HSF1: variants seen among roughly 807,000 people sequenced by gnomAD.
The protein encoded by HSF1 is heat shock factor protein 1.
Under a neutral mutation model 51.7 loss-of-function variants are expected in HSF1, and 32 were observed. That is an observed-to-expected ratio of 0.62 (90% confidence interval 0.47 to 0.83). HSF1 has a LOEUF of 0.83. HSF1 is among the 40% of genes least tolerant of loss of function. The probability of loss-of-function intolerance (pLI) is 0.00; values close to 1 mark genes in which losing one functional copy is unlikely to be tolerated. For synonymous variants in HSF1, 396 were observed against 309.7 expected, an observed-to-expected ratio of 1.28 and a Z score of -2.92; for missense variants, 727 against 717.0, an observed-to-expected ratio of 1.01 and a Z score of -0.16.
chr8:144,307,754 C>T (rs1816318518), intron 1 of HSF1, among the ~76,000 whole-genome samples: 1 of 151,762 alleles, frequency 6.6e-6, no homozygotes, highest in African/African-American at 2.4e-5. Context: ...CATGTTGGTG[C>T]TGGTGCACTC....
intron 4 of HSF1, 71 bp downstream of exon 4, chr8:144,309,967 G>C (rs975817150): frequency 3.9e-6 from 6 of 1,556,272 alleles, no homozygotes; most frequent in Non-Finnish European, 5.2e-6. Flanking sequence ...GGTGCTGTGG[G>C]GGCAGGGCCC....
chr8:144,311,642 G>A (rs782421315), intron 7 of HSF1, 41 bp downstream of exon 7: 64 of 1,611,872 alleles, frequency 4.0e-5, no homozygotes, highest in Middle Eastern at 1.6e-4. Context: ...GCATGCAGGC[G>A]GCAGTGGGGT....
chr8:144,312,185 T>TGCCCG lies in HSF1; in HGVS notation c.1083_1084insGCCCG (p.Pro362AlafsTer17). On this transcript the variant is annotated frameshift_variant, in exon 9 of 13. Coordinates refer to ENST00000528838, the MANE Select transcript of HSF1 (RefSeq NM_005526.4). LOFTEE classifies it high-confidence loss of function. ...GCCACACGGACACCGAGGGCCGGCC[T>TGCCCG]CCCTCCCCCCCGCCCACCTCCACCC... is the stretch of plus-strand genomic sequence containing the variant. 10 of 1,532,858 alleles carry TGCCCG rather than the reference T, an allele frequency of 6.5e-6. No homozygotes were observed. The highest frequency in any genetic ancestry group is 1.8e-4 in the Middle Eastern group (1 of 5,620). The allele number at this position is 1,532,858 out of a possible 1,614,324, so 95.0% of individuals were successfully genotyped here. A position where few individuals can be genotyped will look rare whatever the true frequency, so the allele number is the denominator to read the frequency against.
Position 144,313,537 on chromosome 8 carries a change from C to T in HSF1, c.1169C>T (p.Ala390Val), listed in dbSNP as rs782815990. 2.5e-6 allele frequency: 4 copies of T among 1,611,762 alleles called. No homozygotes were observed. The highest frequency in any genetic ancestry group is 2.2e-5 in the South Asian group (2 of 91,076). The change falls in exon 10 of 13, where the codon GCT becomes GTT. Residue 390 changes from alanine to valine, a missense_variant. Physicochemically the swap from Ala to Val is moderately conservative, Grantham distance 64. Around this residue, in one of 2 missense-constraint regions of HSF1, gnomAD observed 470 missense variants for 398.8 expected, o/e 1.18. Coordinates refer to ENST00000528838, the MANE Select transcript of HSF1 (RefSeq NM_005526.4). Reference protein sequence around the residue: ...DKNELSDHLDAMDSNLDNLQT... With the variant: ...DKNELSDHLDVMDSNLDNLQT... The stretch of plus-strand genomic sequence containing the variant: ...AATGAGCTCAGTGACCACTTGGATG[C>T]TATGGACTCCAACCTGGATAACCTG...
intron 1 of HSF1, among the ~76,000 whole-genome samples, chr8:144,292,249 C>T (rs1289801692): frequency 2.0e-5 from 3 of 152,238 alleles, no homozygotes; most frequent in African/African-American, 7.2e-5. Context: ...TCGGCGTCCC[C>T]AGGGGACAGC....
chr8:144,313,501 C>G lies in HSF1; in HGVS notation c.1143-10C>G. ...GGCACTGGTTCAGGTACCGCCTTAT[C>G]CCGGGCCAGGAATGAGCTCAGTGAC... On this transcript the variant is annotated splice_polypyrimidine_tract_variant and intron_variant, in intron 9 of 12. Transcript: ENST00000528838. The G allele has an allele frequency of 6.3e-7, 1 of 1,591,480 alleles. No homozygotes were observed. The highest frequency in any genetic ancestry group is 2.2e-5 in the East Asian group (1 of 44,736).
intron 9 of HSF1, chr8:144,312,603 G>A (rs919860555): frequency 7.1e-5 from 109 of 1,530,968 alleles, no homozygotes; most frequent in Admixed American, 3.1e-4. Context: ...CCTGCAATGG[G>A]GGCTCTTGTT....
chr8:144,314,466 G>C lies in HSF1; in HGVS notation c.*136G>C, dbSNP rs1817089712. On this transcript the variant is annotated 3_prime_UTR_variant, in exon 13 of 13. Coordinates refer to ENST00000528838, the MANE Select transcript of HSF1 (RefSeq NM_005526.4). ...GCCCCAGTAGGACAAACGGGCTCGG[G>C]TCTGGGCAGCACCTCTGGTCAGGAG... is the stretch of plus-strand genomic sequence containing the variant. 1 of 712,770 alleles carries C rather than the reference G, an allele frequency of 1.4e-6. No homozygotes were observed. 44.2% of individuals were successfully genotyped at this position (712,770 alleles called of 1,614,324 possible).
chr8:144,301,299 G>C (rs1815851576), intron 1 of HSF1, among the ~76,000 whole-genome samples: 1 of 151,876 alleles, frequency 6.6e-6, no homozygotes, highest in African/African-American at 2.4e-5. Context: ...CCTGCCTGTG[G>C]TCCCAACTAC....
At chr8:144,307,789 G>GA (rs112017546) in intron 1 of HSF1, among the ~76,000 whole-genome samples, 21 of 146,310 alleles carry the variant, frequency 1.4e-4, no homozygotes, top group Admixed American at 2.0e-4. Flanking sequence ...CCTTGTCTCA[G>GA]AAAAAAAAAA....
At chr8:144,312,944 C>G (rs1158991378) in intron 9 of HSF1, 2 of 580,706 alleles carry the variant, frequency 3.4e-6, no homozygotes, top group Non-Finnish European at 6.2e-6. Flanking sequence ...CTGGCACGGC[C>G]TCTGGTGTTG....
intron 1 of HSF1, among the ~76,000 whole-genome samples, chr8:144,307,540 G>A (rs1309400233): frequency 2.0e-5 from 3 of 152,262 alleles, no homozygotes; most frequent in Non-Finnish European, 4.4e-5. Flanking sequence ...AGGAATTCGA[G>A]ACCAGTCTGG....
intron 1 of HSF1, among the ~76,000 whole-genome samples, chr8:144,292,146 T>C (rs1473552682): frequency 6.6e-6 from 1 of 152,194 alleles, no homozygotes; most frequent in Admixed American, 6.5e-5. Context: ...GTCTCTTGTA[T>C]TGGGCTTCTG....
intron 1 of HSF1, among the ~76,000 whole-genome samples, chr8:144,292,935 A>G (rs564119879): frequency 6.7e-6 from 1 of 149,308 alleles, no homozygotes; most frequent in Non-Finnish European, 1.5e-5. Context: ...GCAGCCTGGC[A>G]AAGAGTGAGA....
intron 9 of HSF1, chr8:144,313,060 G>T (rs1428066761): frequency 1.8e-5 from 8 of 444,014 alleles, no homozygotes; most frequent in Non-Finnish European, 3.3e-5. Context: ...GGTGTGCCCT[G>T]TGGCCTAGGG....
intron 1 of HSF1, among the ~76,000 whole-genome samples, chr8:144,294,311 C>T (rs1360570785): frequency 6.6e-6 from 1 of 152,132 alleles, no homozygotes; most frequent in Non-Finnish European, 1.5e-5. Flanking sequence ...CCTGAGGACT[C>T]CCTGTCAGCA....
intron 1 of HSF1, among the ~76,000 whole-genome samples, chr8:144,303,135 T>TG (rs1554842696): frequency 6.6e-6 from 1 of 152,068 alleles, no homozygotes; most frequent in African/African-American, 2.4e-5. Flanking sequence ...GAGTTTCCAC[T>TG]GGGGGTCCTT....
intron 9 of HSF1, 35 bp downstream of exon 9, chr8:144,312,279 G>A (rs782562299): frequency 1.0e-5 from 14 of 1,336,960 alleles, no homozygotes; most frequent in South Asian, 3.9e-5. Context: ...CACCCACAGC[G>A]CCTGGACGCA....
intron 1 of HSF1, among the ~76,000 whole-genome samples, chr8:144,303,813 G>A (rs193061023): frequency 1.1e-4 from 17 of 152,322 alleles, no homozygotes; most frequent in African/African-American, 4.1e-4. Context: ...AGGAGGCGGA[G>A]GTTGCAGTGA....
Sources: gnomAD v4.1 joint callset for allele counts (sites outside exome capture counted in the v4.1 genomes callset) on GRCh38, gnomAD v4.1.1 for gene constraint, gnomAD v4.1.1 regional missense constraint, MANE v1.5 for transcripts, NCBI Gene and HGNC (gene_info 2026-07-23, HGNC 2026-07-21) for gene names.